Variants in CTNNA3 observed in about 807,000 individuals in gnomAD.
CTNNA3 encodes catenin alpha-3.
CTNNA3 carries 76 observed loss-of-function variants against 95.7 expected under a neutral mutation model. The ratio of observed to expected loss-of-function variants is 0.79; its 90% CI spans 0.66 to 0.96. CTNNA3 has a LOEUF of 0.96. Ranked by LOEUF, CTNNA3 falls within the 40% of genes least tolerant of loss-of-function variation. CTNNA3 has a pLI of 0.00. For synonymous variants in CTNNA3, 431 were observed against 374.4 expected (o/e 1.15, Z -1.74); for missense variants, 1,191 against 1,089.8 (o/e 1.09, Z -1.31).
At chr10:66,501,703 C>T (rs770845730) in intron 11 of CTNNA3, among the ~76,000 whole-genome samples, 1 of 152,070 alleles carries the variant, frequency 6.6e-6, no homozygotes, top group Non-Finnish European at 1.5e-5. Flanking sequence ...AACTTTTCAG[C>T]TTTAGCTTTG....
rs547032291 is a variant in CTNNA3, at chr10:67,378,634, G to C, written c.579+143208C>G. On this transcript the variant is annotated intron_variant, in intron 5 of 17. Transcript: ENST00000433211. Reference sequence around the variant, plus strand: ...CATGTTTGGAAAGTCCCTCATCCACGTATGACTTAGAACATGCAGTTTTTA... The same window carrying C: ...CATGTTTGGAAAGTCCCTCATCCACCTATGACTTAGAACATGCAGTTTTTA... Among the ~76,000 whole-genome samples the C allele has an allele frequency of 5.3e-5, 8 of 152,206 alleles. No individual in the cohort carries two copies. In the East Asian group the frequency reaches 1.4e-3, roughly 26 times the overall value.
chr10:65,918,116 T>A lies in CTNNA3; in HGVS notation c.*2214A>T, dbSNP rs1287646300. On this transcript the variant is annotated 3_prime_UTR_variant, in exon 18 of 18. Transcript: ENST00000433211. ...AGGAGAACTTGTTCACATCTCACTT[T>A]GGGTAAAAAGTCATTTTTATCAAAG... The A allele has an allele frequency of 6.6e-6, 1 of 152,202 alleles. No homozygotes were observed. The highest frequency in any genetic ancestry group is 1.5e-5 in the Non-Finnish European group (1 of 68,036). 9.4% of individuals were successfully genotyped at this position (152,202 alleles called of 1,614,324 possible).
intron 12 of CTNNA3, among the ~76,000 whole-genome samples, chr10:66,305,536 A>T (rs995302502): frequency 6.6e-6 from 1 of 152,202 alleles, no homozygotes; most frequent in Non-Finnish European, 1.5e-5. Context: ...TAATTAGCAC[A>T]AGGAGTCAAC....
chr10:67,133,979 C>T (rs925905225), intron 7 of CTNNA3, among the ~76,000 whole-genome samples: 1 of 152,108 alleles, frequency 6.6e-6, no homozygotes, highest in Admixed American at 6.6e-5. Flanking sequence ...CCACTACACT[C>T]AGCTTGATTC....
chr10:67,706,314 T>C (rs1426734583), intron 1 of CTNNA3, among the ~76,000 whole-genome samples: 3 of 151,846 alleles, frequency 2.0e-5, no homozygotes, highest in Admixed American at 2.0e-4. Flanking sequence ...CCTGCAGGGA[T>C]TGTCTGGTGA....
intron 17 of CTNNA3, among the ~76,000 whole-genome samples, chr10:65,923,959 T>A (rs1323592306): frequency 6.6e-6 from 1 of 152,152 alleles, no homozygotes; most frequent in Non-Finnish European, 1.5e-5. Flanking sequence ...AGAAACATTT[T>A]ATATCCCGTA....
At chr10:66,121,643 A>G (rs72795307) in intron 13 of CTNNA3, among the ~76,000 whole-genome samples, 17,393 of 152,214 alleles carry the variant, frequency 0.11, 1,427 homozygotes, top group African/African-American at 0.23. Context: ...TGAGGTGAAG[A>G]GTTCAAGAGC....
At chr10:67,219,514 C>T in intron 6 of CTNNA3, 93 bp downstream of exon 6, 1 of 1,378,224 alleles carries the variant, frequency 7.3e-7, no homozygotes, top group Non-Finnish European at 9.8e-7. Flanking sequence ...TTTTCTCATG[C>T]TCTAAACGCC....
chr10:66,972,973 T>C (rs971970887), intron 7 of CTNNA3, among the ~76,000 whole-genome samples: 2 of 152,146 alleles, frequency 1.3e-5, no homozygotes, highest in African/African-American at 4.8e-5. Flanking sequence ...AGAAATAACA[T>C]TTCAGAAATG....
chr10:66,464,760 C>CAAA (rs1162141756), intron 11 of CTNNA3, among the ~76,000 whole-genome samples: 3 of 135,778 alleles, frequency 2.2e-5, no homozygotes, highest in Admixed American at 7.3e-5. Flanking sequence ...GAGACTGTCT[C>CAAA]AAAAAATAAA....
At chr10:66,298,259 C>T (rs1485309634) in intron 12 of CTNNA3, among the ~76,000 whole-genome samples, 1 of 152,068 alleles carries the variant, frequency 6.6e-6, no homozygotes, top group Admixed American at 6.5e-5. Context: ...GAACACATAC[C>T]ATAACTTAGA....
intron 3 of CTNNA3, among the ~76,000 whole-genome samples, chr10:67,540,409 G>A (rs1049468892): frequency 1.3e-5 from 2 of 151,732 alleles, no homozygotes; most frequent in Non-Finnish European, 2.9e-5. Flanking sequence ...TATTATAAAA[G>A]TACTATAATA....
chr10:67,441,264 CAAA>C (rs760690984), intron 5 of CTNNA3, among the ~76,000 whole-genome samples: 1 of 97,632 alleles, frequency 1.0e-5, no homozygotes. Flanking sequence ...TGAGAGAAGA[CAAA>C]AAAAAAAAAA....
intron 13 of CTNNA3, among the ~76,000 whole-genome samples, chr10:66,186,735 A>G (rs748134974): frequency 3.3e-5 from 5 of 152,064 alleles, no homozygotes; most frequent in African/African-American, 1.2e-4. Flanking sequence ...TTAAACATCA[A>G]TGAAGACTAT....
At chr10:67,602,655 G>T (rs1448635941) in intron 3 of CTNNA3, among the ~76,000 whole-genome samples, 1 of 151,674 alleles carries the variant, frequency 6.6e-6, no homozygotes, top group Non-Finnish European at 1.5e-5. Flanking sequence ...TCTTTTTTTT[G>T]AACTAAAAAG....
At chr10:66,956,806 T>G (rs1848813533) in intron 7 of CTNNA3, among the ~76,000 whole-genome samples, 1 of 152,208 alleles carries the variant, frequency 6.6e-6, no homozygotes, top group African/African-American at 2.4e-5. Flanking sequence ...ACTGATGCAG[T>G]GACAGGCTCA....
intron 11 of CTNNA3, among the ~76,000 whole-genome samples, chr10:66,404,909 G>A (rs934028713): frequency 3.3e-5 from 5 of 152,112 alleles, no homozygotes; most frequent in African/African-American, 1.2e-4. Flanking sequence ...ATGAAAAATG[G>A]TTAGGGGCAG....
At chr10:66,713,193 A>G (rs1353746944) in intron 9 of CTNNA3, among the ~76,000 whole-genome samples, 2 of 152,016 alleles carry the variant, frequency 1.3e-5, no homozygotes, top group African/African-American at 4.8e-5. Context: ...TCTCCTTCTC[A>G]ACAGACAGAA....
intron 10 of CTNNA3, among the ~76,000 whole-genome samples, chr10:66,607,696 C>A (rs1358976159): frequency 3.3e-5 from 5 of 152,012 alleles, no homozygotes; most frequent in Non-Finnish European, 5.9e-5. Flanking sequence ...AAGACAAAAA[C>A]CACATGATTA....
Sources: gnomAD v4.1 joint callset for allele counts (sites outside exome capture counted in the v4.1 genomes callset) on GRCh38, gnomAD v4.1.1 for gene constraint, MANE v1.5 for transcripts, NCBI Gene and HGNC (gene_info 2026-07-23, HGNC 2026-07-21) for gene names.